CNTNAP2: variants seen among roughly 807,000 people sequenced by gnomAD.
The protein encoded by CNTNAP2 is contactin associated protein 2.
In CNTNAP2, 98 loss-of-function variants were observed where a neutral mutation model predicts 155.2. That is an observed-to-expected ratio of 0.63 (90% confidence interval 0.54 to 0.75). The LOEUF is 0.75. CNTNAP2 is among the 30% of genes least tolerant of loss of function. The probability of loss-of-function intolerance (pLI) is 0.00; values close to 1 mark genes in which losing one functional copy is unlikely to be tolerated. For missense variants in CNTNAP2, 1,727 were observed against 1,688.1 expected (o/e 1.02, Z -0.40); for synonymous variants, 651 against 631.2 (o/e 1.03, Z -0.47).
At chr7:147,958,223 C>T (rs1801052868) in intron 14 of CNTNAP2, among the ~76,000 whole-genome samples, 1 of 152,062 alleles carries the variant, frequency 6.6e-6, no homozygotes, top group African/African-American at 2.4e-5. Context: ...TGGTTTGTTT[C>T]CTTTATCCAA....
At chr7:147,237,265 G>A (rs898163944) in intron 8 of CNTNAP2, among the ~76,000 whole-genome samples, 1 of 151,806 alleles carries the variant, frequency 6.6e-6, no homozygotes, top group Non-Finnish European at 1.5e-5. Context: ...TAGAGATGAG[G>A]TTTTGCCATG....
chr7:147,626,037 T>C (rs1479489204), intron 12 of CNTNAP2, among the ~76,000 whole-genome samples: 1 of 152,110 alleles, frequency 6.6e-6, no homozygotes, highest in Non-Finnish European at 1.5e-5. Context: ...AGGGAAGCCA[T>C]CTCTGATGAT....
chr7:146,851,686 G>A (rs1003952743), intron 3 of CNTNAP2, among the ~76,000 whole-genome samples: 1 of 114,374 alleles, frequency 8.7e-6, no homozygotes, highest in Admixed American at 9.0e-5. Context: ...GTGTGTGTGT[G>A]TGTGTGTGTG....
chr7:147,439,906 T>G (rs1254573555), intron 10 of CNTNAP2, among the ~76,000 whole-genome samples: 1 of 152,052 alleles, frequency 6.6e-6, no homozygotes, highest in Non-Finnish European at 1.5e-5. Flanking sequence ...CCTACTTTTG[T>G]TTTGGTTTCC....
intron 15 of CNTNAP2, among the ~76,000 whole-genome samples, chr7:148,055,732 T>C (rs757610791): frequency 2.0e-4 from 6 of 30,738 alleles, no homozygotes; most frequent in Non-Finnish European, 5.0e-4. Context: ...AGTTAACACA[T>C]TGCAGTTAAG....
intron 15 of CNTNAP2, among the ~76,000 whole-genome samples, chr7:148,041,528 CT>C (rs1802675452): frequency 6.6e-6 from 1 of 152,226 alleles, no homozygotes; most frequent in South Asian, 2.1e-4. Flanking sequence ...TTTGCTGCCA[CT>C]ACTTAACAAG....
chr7:146,637,901 C>T (rs773651015), intron 1 of CNTNAP2, among the ~76,000 whole-genome samples: 15 of 152,164 alleles, frequency 9.9e-5, no homozygotes, highest in Non-Finnish European at 1.5e-4. Flanking sequence ...CAAAAACCAA[C>T]ATATATGTTA....
intron 13 of CNTNAP2, among the ~76,000 whole-genome samples, chr7:147,828,155 T>C (rs1052233841): frequency 2.0e-5 from 3 of 152,160 alleles, no homozygotes; most frequent in Non-Finnish European, 4.4e-5. Flanking sequence ...TGCTTCCAGG[T>C]ACAGCACTAG....
At position 146,463,945 on chromosome 7, in the gene CNTNAP2, AATG is replaced by A. The variant is rs2129125345; in HGVS notation, c.98-310323_98-310321del. Among the ~76,000 whole-genome samples the A allele has an allele frequency of 2.0e-5, 3 of 152,222 alleles. No individual in the cohort carries two copies. The East Asian group carries it at 5.8e-4, about 29-fold the overall frequency. ...CACTATTTTAGGTGAGCCTGGGAGG[AATG>A]ATTTGAGAAGCAGTGCTTTAGAATA... On this transcript the variant is annotated intron_variant, in intron 1 of 23. Coordinates refer to ENST00000361727, the MANE Select transcript of CNTNAP2 (RefSeq NM_014141.6).
At chr7:146,461,027 G>T (rs933908089) in intron 1 of CNTNAP2, among the ~76,000 whole-genome samples, 2 of 152,182 alleles carry the variant, frequency 1.3e-5, no homozygotes, top group Admixed American at 1.3e-4. Context: ...TACTTGGGTG[G>T]ACTTAATCAT....
At chr7:147,880,640 A>C (rs571910434) in intron 13 of CNTNAP2, among the ~76,000 whole-genome samples, 25 of 152,258 alleles carry the variant, frequency 1.6e-4, no homozygotes, top group African/African-American at 5.8e-4. Flanking sequence ...CAGAAATAGC[A>C]ACCAGAGAAG....
chr7:146,742,441 A>G (rs948143397), intron 1 of CNTNAP2, among the ~76,000 whole-genome samples: 1 of 152,176 alleles, frequency 6.6e-6, no homozygotes, highest in East Asian at 1.9e-4. Flanking sequence ...TGGTAAGGGT[A>G]AAAAATATAA....
chr7:146,347,559 C>CTT (rs1035000667), intron 1 of CNTNAP2, among the ~76,000 whole-genome samples: 3 of 152,062 alleles, frequency 2.0e-5, no homozygotes, highest in African/African-American at 7.2e-5. Context: ...TCAGCATTGG[C>CTT]TTTTTTTATT....
chr7:148,355,331 T>C (rs11771213), intron 21 of CNTNAP2, among the ~76,000 whole-genome samples: 3 of 151,828 alleles, frequency 2.0e-5, no homozygotes, highest in Non-Finnish European at 4.4e-5. Flanking sequence ...CTGCTCTTTG[T>C]GGACACTCAT....
At chr7:146,259,512 G>A (rs1243791757) in intron 1 of CNTNAP2, among the ~76,000 whole-genome samples, 1 of 152,174 alleles carries the variant, frequency 6.6e-6, no homozygotes, top group Non-Finnish European at 1.5e-5. Context: ...GGAACTTCGT[G>A]AGAACTGGAG....
intron 4 of CNTNAP2, among the ~76,000 whole-genome samples, chr7:147,052,343 C>T (rs936566703): frequency 1.3e-5 from 2 of 152,090 alleles, no homozygotes; most frequent in African/African-American, 4.8e-5. Flanking sequence ...ATGGCAGGCT[C>T]CCTGTACACA....
intron 13 of CNTNAP2, among the ~76,000 whole-genome samples, chr7:147,737,619 G>A (rs548147432): frequency 1.3e-4 from 20 of 152,190 alleles, no homozygotes; most frequent in African/African-American, 3.6e-4. Context: ...CCCAGAGGTG[G>A]AGTCTACAGA....
chr7:147,379,259 T>A (rs1316639079), intron 9 of CNTNAP2, among the ~76,000 whole-genome samples: 2 of 152,126 alleles, frequency 1.3e-5, no homozygotes, highest in East Asian at 3.9e-4. Flanking sequence ...TTCTTGTATA[T>A]TTAATTCTCA....
chr7:147,526,382 C>T (rs1799320359), intron 11 of CNTNAP2, among the ~76,000 whole-genome samples: 1 of 152,024 alleles, frequency 6.6e-6, no homozygotes, highest in Non-Finnish European at 1.5e-5. Context: ...TCCCTTCTGG[C>T]AGTATATTCT....
Sources: gnomAD v4.1 joint callset for allele counts (sites outside exome capture counted in the v4.1 genomes callset) on GRCh38, gnomAD v4.1.1 for gene constraint, MANE v1.5 for transcripts, NCBI Gene and HGNC (gene_info 2026-07-23, HGNC 2026-07-21) for gene names.